TMEM8B: variants seen among roughly 807,000 people sequenced by gnomAD.
TMEM8B encodes the protein nasopharyngeal carcinoma expressed 6.
In TMEM8B, 29 loss-of-function variants were observed where a neutral mutation model predicts 49.3. The observed-to-expected ratio is 0.59, with a 90% CI of 0.44 to 0.80. The LOEUF (loss-of-function observed/expected upper bound fraction) is 0.80, where lower values mean the gene tolerates loss of function less well. Among genes scored for constraint, TMEM8B ranks in the 30% least tolerant of loss-of-function variants. TMEM8B has a pLI of 0.00. For missense variants in TMEM8B, 575 were observed against 658.5 expected, an observed-to-expected ratio of 0.87 and a Z score of 1.39; for synonymous variants, 264 against 272.8, an observed-to-expected ratio of 0.97 and a Z score of 0.32.
In TMEM8B at chr9:35,853,396, A is replaced by G. The variant is rs1416640893; in HGVS notation, c.2440-109A>G. On this transcript the variant is annotated intron_variant, in intron 12 of 12. Transcript: ENST00000643932. The surrounding 1 kb of genome is among the most constrained non-coding windows in gnomAD (Gnocchi z 4.2). ...TGGCAGTGTCCGCTCCAGTCTTGGC[A>G]GGTGTCTTTAGGTCACAACCAGGAT... is the stretch of plus-strand genomic sequence containing the variant. 1.4e-6 allele frequency: 2 copies of G among 1,479,330 alleles called. No homozygotes were observed. The highest frequency in any genetic ancestry group is 1.8e-6 in the Non-Finnish European group (2 of 1,092,614). The allele number at this position is 1,479,330 out of a possible 1,614,324, so 91.6% of individuals were successfully genotyped here.
chr9:35,834,041 C>CACACACACAA (rs1830187404), intron 1 of TMEM8B, among the ~76,000 whole-genome samples: 1 of 150,242 alleles, frequency 6.7e-6, no homozygotes, highest in African/African-American at 2.4e-5. Flanking sequence ...TACACACACA[C>CACACACACAA]ACACACACAC....
chr9:35,853,778 C>T lies in TMEM8B; in HGVS notation c.2713C>T (p.Gln905Ter), dbSNP rs1356827180. Residue 905 changes from glutamine to a stop codon, truncating the protein, a stop_gained, in exon 13 of 13, where the codon CAG (glutamine) becomes TAG (stop). Coordinates refer to ENST00000643932, the MANE Select transcript of TMEM8B (RefSeq NM_001042590.4). LOFTEE classifies it high-confidence loss of function. The surrounding 1 kb of genome is among the most constrained non-coding windows in gnomAD (Gnocchi z 4.2). ...GCGYQLCINE[Q>*]EELGLVGPGG... is the part of the protein sequence containing the mutation. ...TGGTTACCAGCTATGCATCAACGAGCAGGAGGAGCTGGGCCTCGTGGGCCC... is the reference window on the plus strand; with the variant it reads ...TGGTTACCAGCTATGCATCAACGAGTAGGAGGAGCTGGGCCTCGTGGGCCC... 1.3e-6 allele frequency: 2 copies of T among 1,595,714 alleles called. No homozygotes were observed. The highest frequency in any genetic ancestry group is 1.7e-6 in the Non-Finnish European group (2 of 1,169,964).
In TMEM8B at chr9:35,842,835, C is replaced by A; in HGVS notation, c.1635+118C>A. On this transcript the variant is annotated intron_variant, in intron 6 of 12. Transcript: ENST00000643932. The surrounding 1 kb of genome is among the most constrained non-coding windows in gnomAD (Gnocchi z 5.6). ...CCTGTCCAGGTTGCTCCCACCCATC[C>A]TGACAATTAGGGACCATGGCTCAGC... 9.1e-7 allele frequency: 1 copy of A among 1,095,472 alleles called. No homozygotes were observed. The highest frequency in any genetic ancestry group is 1.3e-6 in the Non-Finnish European group (1 of 786,836). 67.9% of individuals were successfully genotyped at this position (1,095,472 alleles called of 1,614,324 possible).
intron 3 of TMEM8B, among the ~76,000 whole-genome samples, chr9:35,840,198 C>G (rs1399892266): frequency 6.6e-6 from 1 of 152,188 alleles, no homozygotes; most frequent in Non-Finnish European, 1.5e-5. Context: ...AGAGAAGGAG[C>G]TGGGGATTTT....
chr9:35,851,414 G>A (rs182947719), intron 10 of TMEM8B, among the ~76,000 whole-genome samples: 28 of 152,244 alleles, frequency 1.8e-4, no homozygotes, highest in African/African-American at 6.5e-4. Context: ...CAAAGTGCTG[G>A]GATTAACAGG....
chr9:35,849,175 C>A (rs1265817889), intron 10 of TMEM8B, among the ~76,000 whole-genome samples: 1 of 152,074 alleles, frequency 6.6e-6, no homozygotes, highest in Non-Finnish European at 1.5e-5. Context: ...CATTTAAGGA[C>A]CCATTGGTCA....
At position 35,862,283 on chromosome 9, in the gene TMEM8B, CTG is replaced by C. The variant is rs983601999; in HGVS notation, c.*8444_*8445del. The C allele has an allele frequency of 2.0e-5, 3 of 152,196 alleles. No individual in the cohort carries two copies. The highest frequency in any genetic ancestry group is 7.2e-5 in the African/African-American group (3 of 41,438). 9.4% of individuals were successfully genotyped at this position (152,196 alleles called of 1,614,324 possible). ...AGGCTTTAGATCTCTGAGATTCTCT[CTG>C]AGTCTGGGATGTAAAGACAAAGTAA... On this transcript the variant is annotated 3_prime_UTR_variant, in exon 13 of 13. Coordinates refer to ENST00000643932, the MANE Select transcript of TMEM8B (RefSeq NM_001042590.4).
Position 35,858,846 on chromosome 9 carries a change from C to T in TMEM8B, c.*5006C>T, listed in dbSNP as rs1378523522. 1 of 152,216 alleles carries T rather than the reference C, an allele frequency of 6.6e-6. No individual in the cohort carries two copies. The highest frequency in any genetic ancestry group is 1.5e-5 in the Non-Finnish European group (1 of 68,060). 9.4% of individuals were successfully genotyped at this position (152,216 alleles called of 1,614,324 possible). A position where few individuals can be genotyped will look rare whatever the true frequency, so the allele number is the denominator to read the frequency against. On this transcript the variant is annotated 3_prime_UTR_variant, in exon 13 of 13. Coordinates refer to ENST00000643932, the MANE Select transcript of TMEM8B (RefSeq NM_001042590.4). ...TTGTCATGGTGACCAGCAGTGTTCC[C>T]AATGGTAGCTGTTTTGTCATCCTGA...
chr9:35,833,714 G>A (rs1564017669), intron 1 of TMEM8B, among the ~76,000 whole-genome samples: 1 of 152,098 alleles, frequency 6.6e-6, no homozygotes, highest in African/African-American at 2.4e-5. Context: ...CCACCTACTA[G>A]CTGTGCATTC....
At chr9:35,833,504 T>C (rs983685201) in intron 1 of TMEM8B, among the ~76,000 whole-genome samples, 1 of 152,160 alleles carries the variant, frequency 6.6e-6, no homozygotes, top group African/African-American at 2.4e-5. Context: ...CCTGGCTAGC[T>C]GCTGACACAA....
Position 35,856,762 on chromosome 9 carries a change from G to C in TMEM8B, c.*2922G>C, listed in dbSNP as rs1333360938. 1 of 152,328 alleles carries C rather than the reference G, an allele frequency of 6.6e-6. No individual in the cohort carries two copies. The highest frequency in any genetic ancestry group is 6.5e-5 in the Admixed American group (1 of 15,282). 9.4% of individuals were successfully genotyped at this position (152,328 alleles called of 1,614,324 possible). The stretch of plus-strand genomic sequence containing the variant: ...GGGTGGTGAGGTATGAGAGAGCCTA[G>C]GATGATGGTGATATTCTGATTTGGG... On this transcript the variant is annotated 3_prime_UTR_variant, in exon 13 of 13. Coordinates refer to ENST00000643932, the MANE Select transcript of TMEM8B (RefSeq NM_001042590.4).
At position 35,829,332 on chromosome 9, in the gene TMEM8B, C is replaced by G; in HGVS notation, c.-116C>G. 2.7e-6 allele frequency: 1 copy of G among 371,536 alleles called. No homozygotes were observed. The highest frequency in any genetic ancestry group is 4.8e-6 in the Non-Finnish European group (1 of 208,542). The allele number at this position is 371,536 out of a possible 1,614,324, so 23.0% of individuals were successfully genotyped here. A position where few individuals can be genotyped will look rare whatever the true frequency, so the allele number is the denominator to read the frequency against. On this transcript the variant is annotated 5_prime_UTR_variant, in exon 1 of 13. Coordinates refer to ENST00000643932, the MANE Select transcript of TMEM8B (RefSeq NM_001042590.4). ...AACTCCTACCCAGGTCCCCGGCCCC[C>G]GCCCCGGGCCCGCGAGGACACCGGA...
At chr9:35,832,902 T>G (rs1339340739) in intron 1 of TMEM8B, among the ~76,000 whole-genome samples, 1 of 152,182 alleles carries the variant, frequency 6.6e-6, no homozygotes, top group Non-Finnish European at 1.5e-5. Flanking sequence ...CTCGGCTGCA[T>G]CTCTATCACT....
Position 35,846,560 on chromosome 9 carries a change from A to G in TMEM8B, c.1945A>G (p.Lys649Glu), listed in dbSNP as rs1400443102. Residue 649 changes from lysine to glutamate, a missense_variant, in exon 9 of 13, where the codon AAG becomes GAG. Lys to Glu is a moderately conservative substitution (Grantham distance 56). Transcript: ENST00000643932. ...CGACTGCGGGCCCTACGGCCAGTGC[A>G]AGCTGCTGCGCACACACAATTATCT... ...VDDCGPYGQC[K>E]LLRTHNYLYA... The G allele has an allele frequency of 6.4e-7, 1 of 1,573,894 alleles. No homozygotes were observed. Among genetic ancestry groups the G allele is most frequent in the South Asian group, 1.1e-5 (1 of 87,098 alleles).
chr9:35,848,312 T>A (rs1463950649), intron 10 of TMEM8B, among the ~76,000 whole-genome samples: 1 of 152,220 alleles, frequency 6.6e-6, no homozygotes, highest in Non-Finnish European at 1.5e-5. Flanking sequence ...TCTATTTTTA[T>A]GTTAGACACT....
Position 35,863,470 on chromosome 9 carries a change from G to A in TMEM8B, c.*9630G>A, listed in dbSNP as rs1832683218. ...TGTCCAGAAAATGCCATGTTACCAG[G>A]TTGCCTACAGCTTTGCCTGTAACAT... On this transcript the variant is annotated 3_prime_UTR_variant, in exon 13 of 13. Coordinates refer to ENST00000643932, the MANE Select transcript of TMEM8B (RefSeq NM_001042590.4). The A allele has an allele frequency of 1.3e-5, 2 of 152,202 alleles. No homozygotes were observed. The highest frequency in any genetic ancestry group is 2.4e-5 in the African/African-American group (1 of 41,448). 9.4% of individuals were successfully genotyped at this position (152,202 alleles called of 1,614,324 possible).
At position 35,853,653 on chromosome 9, in the gene TMEM8B, G is replaced by T. The variant is rs1464444714; in HGVS notation, c.2588G>T (p.Ser863Ile). ...CGGGACAACTACTTCTACATTCACA[G>T]CATTTGGCATATGCTCATTGCGGGC... The part of the protein sequence containing the change: ...ETRDNYFYIH[S>I]IWHMLIAGSV... The change falls in exon 13 of 13, where the codon AGC becomes ATC. Residue 863 changes from serine to isoleucine, a missense_variant. Transcript: ENST00000643932. This position sits in a 1 kb window ranked among gnomAD's most constrained non-coding sequence, Gnocchi z 4.2. 2 of 1,614,238 alleles carry T rather than the reference G, an allele frequency of 1.2e-6. No homozygotes were observed. The highest frequency in any genetic ancestry group is 1.7e-6 in the Non-Finnish European group (2 of 1,180,042).
At chr9:35,840,822 C>T (rs1384528926) in intron 3 of TMEM8B, among the ~76,000 whole-genome samples, 1 of 152,076 alleles carries the variant, frequency 6.6e-6, no homozygotes, top group Non-Finnish European at 1.5e-5. Context: ...CCAGAATGCT[C>T]AGGGGGAGGG....
chr9:35,847,197 A>G (rs779943851), intron 10 of TMEM8B: 1 of 1,558,218 alleles, frequency 6.4e-7, no homozygotes, highest in Non-Finnish European at 8.8e-7. Flanking sequence ...TAAATGAACA[A>G]AACTGTTTGC....
Sources: allele counts gnomAD v4.1 joint callset (sites outside exome capture counted in the v4.1 genomes callset), GRCh38; gene constraint gnomAD v4.1.1; non-coding constraint Gnocchi (gnomAD v3.1); transcripts MANE v1.5; gene names NCBI Gene and HGNC (gene_info 2026-07-23, HGNC 2026-07-21).